Variants in CALHM4 observed in about 807,000 individuals in gnomAD.
CALHM4 encodes calcium homeostasis modulator family member 4.
A neutral mutation model predicts 13.3 loss-of-function variants in CALHM4; 16 were observed. That is an observed-to-expected ratio of 1.20 (90% CI 0.81 to 1.82). The LOEUF (loss-of-function observed/expected upper bound fraction) is 1.82. CALHM4 is among the 40% of genes most tolerant of loss of function. The pLI, the probability that CALHM4 is intolerant of heterozygous loss-of-function variation, is 0.00. For synonymous variants in CALHM4, 127 were observed against 137.1 expected, an observed-to-expected ratio of 0.93 and a Z score of 0.52; for missense variants, 344 against 374.9, an observed-to-expected ratio of 0.92 and a Z score of 0.68.
At chr6:116,539,514 T>C (rs1773298651) in intron 1 of CALHM4, among the ~76,000 whole-genome samples, 1 of 152,202 alleles carries the variant, frequency 6.6e-6, no homozygotes, top group African/African-American at 2.4e-5. Flanking sequence ...AATTTTCTTA[T>C]CTGGAAAATG....
upstream of CALHM4, among the ~76,000 whole-genome samples, chr6:116,549,980 TTATATATATATATATATATATATATATA>T (rs10544532): frequency 9.8e-5 from 8 of 82,050 alleles, no homozygotes; most frequent in Admixed American, 1.1e-3. Context: ...CCATCTTAAA[TTATATATATATATATATATATATATATA>T]TATATATATA....
rs910090475 is a variant in CALHM4 at position 116,554,454 on chromosome 6, G to C, written c.558+103G>C. 4 of 1,002,284 alleles carry C rather than the reference G, an allele frequency of 4.0e-6. No individual in the cohort carries two copies. In the African/African-American group the frequency reaches 4.9e-5, roughly 12 times the overall value. The allele number at this position is 1,002,284 out of a possible 1,614,324, so 62.1% of individuals were successfully genotyped here. A position where few individuals can be genotyped will look rare whatever the true frequency, so the allele number is the denominator to read the frequency against. On this transcript the variant is annotated intron_variant, in intron 1 of 1. Coordinates refer to ENST00000368596, the MANE Select transcript of CALHM4 (RefSeq NM_001366078.2). Reference sequence around the variant, plus strand: ...CTGCTTCTTATATTCTCTGATTATAGAACACAATACTAGATGCTGTTCATC... The same window carrying C: ...CTGCTTCTTATATTCTCTGATTATACAACACAATACTAGATGCTGTTCATC...
At chr6:116,550,025 T>C (rs2024978), upstream of CALHM4, among the ~76,000 whole-genome samples, 57,002 of 94,524 alleles carry the variant, frequency 0.6, 16,836 homozygotes, top group East Asian at 0.9. Context: ...TATATATATA[T>C]ACACACACAC....
intron 1 of CALHM4, among the ~76,000 whole-genome samples, chr6:116,538,720 T>C (rs951075929): frequency 6.6e-6 from 1 of 151,920 alleles, no homozygotes; most frequent in Non-Finnish European, 1.5e-5. Flanking sequence ...AGACAAAGTC[T>C]TAAATCTTTC....
upstream of CALHM4, among the ~76,000 whole-genome samples, chr6:116,549,145 G>A (rs908916214): frequency 2.0e-5 from 3 of 152,126 alleles, no homozygotes; most frequent in Non-Finnish European, 4.4e-5. Flanking sequence ...AAATTAGCCA[G>A]GTGTGGTGGA....
In CALHM4 at chr6:116,559,308, C is replaced by G. The variant is rs979532113; in HGVS notation, c.*1097C>G. Among the ~76,000 whole-genome samples the G allele has an allele frequency of 2.0e-5, 3 of 152,158 alleles. No homozygotes were observed. Among genetic ancestry groups the G allele is most frequent in the African/African-American group, 7.2e-5 (3 of 41,450 alleles). The stretch of plus-strand genomic sequence containing the variant: ...TGTCTATTTATTTCTTCAGTCAAAA[C>G]AATGCTTACTGGACAGTGGACCAAC... On this transcript the variant is annotated 3_prime_UTR_variant, in exon 2 of 2. Transcript: ENST00000368596.
rs1774374658 is a variant in CALHM4 at position 116,557,438 on chromosome 6, C to T, written c.559-387C>T. 2.0e-5 allele frequency among the ~76,000 whole-genome samples: 3 copies of T among 152,158 alleles called. No homozygotes were observed. The South Asian group carries it at 6.2e-4, about 31-fold the overall frequency. The stretch of plus-strand genomic sequence containing the variant: ...CCATCATTATCAAATACTTATTAAA[C>T]ACCCAAAGAATGCATAGGCCTATAA... On this transcript the variant is annotated intron_variant, in intron 1 of 1. Coordinates refer to ENST00000368596, the MANE Select transcript of CALHM4 (RefSeq NM_001366078.2).
chr6:116,558,255 C>T lies in CALHM4; in HGVS notation c.*44C>T. 6.5e-7 allele frequency: 1 copy of T among 1,536,778 alleles called. No individual in the cohort carries two copies. The highest frequency in any genetic ancestry group is 1.9e-4 in the Middle Eastern group (1 of 5,392). ...GTCAGGTTGCTTAGCAGATACTTGG[C>T]TTTTATGGCTTTTATGATCAGGCCA... On this transcript the variant is annotated 3_prime_UTR_variant, in exon 2 of 2. Transcript: ENST00000368596.
chr6:116,538,122 C>T (rs145957461), intron 1 of CALHM4, among the ~76,000 whole-genome samples: 59 of 152,080 alleles, frequency 3.9e-4, no homozygotes, highest in African/African-American at 1.3e-3. Flanking sequence ...AGCTTTGTTC[C>T]CTTATGTTCT....
rs370724503 is a variant in CALHM4 at position 116,558,637 on chromosome 6, CTT to C, written c.*429_*430del. The C allele has an allele frequency of 2.8e-3, 437 of 155,090 alleles. 17 individuals are homozygous for C. In the South Asian group the frequency reaches 0.064, roughly 23 times the overall value. 9.6% of individuals were successfully genotyped at this position (155,090 alleles called of 1,614,324 possible). A position where few individuals can be genotyped will look rare whatever the true frequency, so the allele number is the denominator to read the frequency against. ...AATGAATGTTACTTTCTCTCTTTCT[CTT>C]TTGCATTCCATGTCTTCTATTCACC... On this transcript the variant is annotated 3_prime_UTR_variant, in exon 2 of 2. Transcript: ENST00000368596.
At chr6:116,540,406 C>T in intron 1 of CALHM4, 2 of 1,551,298 alleles carry the variant, frequency 1.3e-6, no homozygotes, top group Non-Finnish European at 1.7e-6. Flanking sequence ...ATGGCATCTT[C>T]CCACGCAGGA....
rs41289938 is a variant in CALHM4, at chr6:116,558,556, A to G, written c.*345A>G. On this transcript the variant is annotated 3_prime_UTR_variant, in exon 2 of 2. Transcript: ENST00000368596. ...GCTACCTCCTAGAGCTATTATGAGA[A>G]TTAAACATGATAATACAAAGTGTTT... 2.2e-4 allele frequency: 46 copies of G among 210,990 alleles called. No homozygotes were observed. The highest frequency in any genetic ancestry group is 3.9e-4 in the Non-Finnish European group (41 of 104,846). 13.1% of individuals were successfully genotyped at this position (210,990 alleles called of 1,614,324 possible). A position where few individuals can be genotyped will look rare whatever the true frequency, so the allele number is the denominator to read the frequency against.
chr6:116,553,375 A>G (rs1774164294), upstream of CALHM4, among the ~76,000 whole-genome samples: 1 of 152,178 alleles, frequency 6.6e-6, no homozygotes, highest in Non-Finnish European at 1.5e-5. Flanking sequence ...TCATTTTATT[A>G]TAATTTTATG....
upstream of CALHM4, among the ~76,000 whole-genome samples, chr6:116,550,004 AT>A (rs1249675755): frequency 7.5e-4 from 104 of 138,792 alleles, 1 homozygote; most frequent in African/African-American, 2.8e-3. Context: ...ATATATATAT[AT>A]ATATATATAT....
rs751952416 is a variant in CALHM4, at chr6:116,557,950, G to C, written c.684G>C (p.Glu228Asp). Reference sequence around the variant, plus strand: ...ACTGGACCAGCCACCTCCAGAATGAGAGAGAACTCTTTGAACAAGCAGCAG... The same window carrying C: ...ACTGGACCAGCCACCTCCAGAATGACAGAGAACTCTTTGAACAAGCAGCAG... ...HCYWTSHLQN[E>D]RELFEQAAEQ... The change falls in exon 2 of 2, where the codon GAG becomes GAC. Residue 228 changes from glutamate to aspartate, a missense_variant. Physicochemically the swap from Glu to Asp is conservative, Grantham distance 45. Coordinates refer to ENST00000368596, the MANE Select transcript of CALHM4 (RefSeq NM_001366078.2). 2.5e-6 allele frequency: 4 copies of C among 1,614,042 alleles called. No homozygotes were observed. The highest frequency in any genetic ancestry group is 3.4e-6 in the Non-Finnish European group (4 of 1,180,030).
rs1562368798 is a variant in CALHM4 at position 116,559,262 on chromosome 6, A to G, written c.*1051A>G. ...TGAAGCAACTTGCTCATTAGCAAAAATAAGTTGTCTGAGGGCATTCTGTCT... is the reference window on the plus strand; with the variant it reads ...TGAAGCAACTTGCTCATTAGCAAAAGTAAGTTGTCTGAGGGCATTCTGTCT... On this transcript the variant is annotated 3_prime_UTR_variant, in exon 2 of 2. Transcript: ENST00000368596. 6.6e-6 allele frequency among the ~76,000 whole-genome samples: 1 copy of G among 152,204 alleles called. No homozygotes were observed. Among genetic ancestry groups the G allele is most frequent in the Non-Finnish European group, 1.5e-5 (1 of 68,032 alleles).
intron 2 of CALHM4, chr6:116,545,419 T>C (rs768148839): frequency 2.6e-5 from 38 of 1,457,314 alleles, no homozygotes; most frequent in Non-Finnish European, 3.3e-5. Flanking sequence ...CAGAAATCAC[T>C]CAAGAAAACA....
chr6:116,557,690 A>C (rs1774386493), intron 1 of CALHM4, 135 bp from the exon 2 acceptor site: 5 of 939,088 alleles, frequency 5.3e-6, no homozygotes, highest in Non-Finnish European at 7.9e-6. Context: ...TTGTTGATAT[A>C]CTAAAGATGG....
chr6:116,548,245 T>C (rs913360465), intron 2 of CALHM4, among the ~76,000 whole-genome samples: 6 of 152,176 alleles, frequency 3.9e-5, no homozygotes, highest in Admixed American at 1.3e-4. Context: ...CAAGGTGCCA[T>C]CTTGGAAGCA....
Sources: gnomAD v4.1 joint callset for allele counts (sites outside exome capture counted in the v4.1 genomes callset) on GRCh38, gnomAD v4.1.1 for gene constraint, MANE v1.5 for transcripts, NCBI Gene and HGNC (gene_info 2026-07-23, HGNC 2026-07-21) for gene names.